Variants in CEP85L observed in about 807,000 individuals in gnomAD.
The protein encoded by CEP85L is centrosomal protein 85L, also known as centrosomal protein of 85 kDa-like.
In CEP85L, 60 loss-of-function variants were observed where a neutral mutation model predicts 100.3. The ratio of observed to expected loss-of-function variants is 0.60; its 90% CI spans 0.49 to 0.74. The LOEUF (loss-of-function observed/expected upper bound fraction) is 0.74, where lower values mean the gene tolerates loss of function less well. Ranked by LOEUF, CEP85L falls within the 30% of genes least tolerant of loss-of-function variation. The pLI is 0.00. For synonymous variants in CEP85L, 319 were observed against 322.7 expected (o/e 0.99, Z 0.12); for missense variants, 973 against 936.2 (o/e 1.04, Z -0.51).
chr6:118,468,766 T>C (rs1230706628), intron 12 of CEP85L, among the ~76,000 whole-genome samples: 1 of 151,986 alleles, frequency 6.6e-6, no homozygotes, highest in Non-Finnish European at 1.5e-5. Context: ...TGAAAGCAAA[T>C]AGAAGGAATC....
chr6:118,582,846 T>C (rs1056093988), intron 2 of CEP85L, among the ~76,000 whole-genome samples: 4 of 152,102 alleles, frequency 2.6e-5, no homozygotes, highest in African/African-American at 9.7e-5. Context: ...AAACAAGCTA[T>C]AGGACCAGAT....
chr6:118,683,899 C>T (rs1458041356), intron 1 of CEP85L, among the ~76,000 whole-genome samples: 2 of 152,168 alleles, frequency 1.3e-5, no homozygotes, highest in Non-Finnish European at 2.9e-5. Context: ...AGCCTAGATG[C>T]AGGACACAGA....
chr6:118,517,420 G>A (rs1057315878), intron 4 of CEP85L, among the ~76,000 whole-genome samples: 1 of 152,122 alleles, frequency 6.6e-6, no homozygotes, highest in Non-Finnish European at 1.5e-5. Flanking sequence ...TTATTGCCTT[G>A]AGCAGTGGTT....
At chr6:118,516,030 G>C (rs1316216506) in intron 4 of CEP85L, among the ~76,000 whole-genome samples, 1 of 152,130 alleles carries the variant, frequency 6.6e-6, no homozygotes, top group Non-Finnish European at 1.5e-5. Context: ...TTAGTTTGCT[G>C]AGAATGATGG....
At chr6:118,532,197 A>G (rs1777335045) in intron 3 of CEP85L, among the ~76,000 whole-genome samples, 1 of 152,158 alleles carries the variant, frequency 6.6e-6, no homozygotes, top group African/African-American at 2.4e-5. Flanking sequence ...AAAGAATAAT[A>G]TGTCCTTTGA....
At chr6:118,508,313 CTTAATAATAGTAACTA>C (rs1343017953) in intron 5 of CEP85L, among the ~76,000 whole-genome samples, 1 of 151,984 alleles carries the variant, frequency 6.6e-6, no homozygotes, top group Non-Finnish European at 1.5e-5. Flanking sequence ...AACAATGAAA[CTTAATAATAGTAACTA>C]TTATTTGGTT....
chr6:118,503,218 G>A (rs531842971), intron 5 of CEP85L, among the ~76,000 whole-genome samples: 1 of 152,204 alleles, frequency 6.6e-6, no homozygotes, highest in East Asian at 1.9e-4. Flanking sequence ...AATAAGATAG[G>A]TATAAATCTA....
intron 2 of CEP85L, among the ~76,000 whole-genome samples, chr6:118,595,294 T>C (rs1207728925): frequency 6.6e-6 from 1 of 152,212 alleles, no homozygotes; most frequent in Non-Finnish European, 1.5e-5. Flanking sequence ...TAGATCTATT[T>C]CCTTCCAACC....
chr6:118,577,379 G>A (rs2115056914), intron 2 of CEP85L, among the ~76,000 whole-genome samples: 1 of 152,226 alleles, frequency 6.6e-6, no homozygotes, highest in East Asian at 1.9e-4. Flanking sequence ...TAAGCAAAAA[G>A]GACAATCGTG....
intron 10 of CEP85L, among the ~76,000 whole-genome samples, chr6:118,477,419 G>C (rs1208076352): frequency 6.6e-6 from 1 of 152,110 alleles, no homozygotes; most frequent in Non-Finnish European, 1.5e-5. Flanking sequence ...ACCTATAACA[G>C]ATAAGTATTT....
intron 6 of CEP85L, among the ~76,000 whole-genome samples, chr6:118,488,387 T>G (rs1490709916): frequency 6.6e-6 from 1 of 151,608 alleles, no homozygotes; most frequent in East Asian, 1.9e-4. Context: ...ATATAATAAC[T>G]GAAATAAAAA....
At chr6:118,499,791 G>T (rs150730181) in intron 5 of CEP85L, among the ~76,000 whole-genome samples, 1 of 152,292 alleles carries the variant, frequency 6.6e-6, no homozygotes, top group Non-Finnish European at 1.5e-5. Flanking sequence ...TTATAGTGGT[G>T]AGAAACTTGA....
chr6:118,589,969 G>C (rs1331267280), intron 2 of CEP85L, among the ~76,000 whole-genome samples: 2 of 152,026 alleles, frequency 1.3e-5, no homozygotes, highest in African/African-American at 4.8e-5. Context: ...GCATAGAACA[G>C]CACTACCCTC....
At chr6:118,646,644 G>A (rs1250236441) in intron 1 of CEP85L, among the ~76,000 whole-genome samples, 2 of 152,148 alleles carry the variant, frequency 1.3e-5, no homozygotes, top group Admixed American at 6.5e-5. Context: ...CTGGGTGACA[G>A]AATGAGACTC....
chr6:118,524,574 T>A (rs915616038), intron 3 of CEP85L, among the ~76,000 whole-genome samples: 2 of 152,238 alleles, frequency 1.3e-5, no homozygotes, highest in African/African-American at 4.8e-5. Context: ...TGCCATGGCT[T>A]AACTAGACAA....
intron 1 of CEP85L, among the ~76,000 whole-genome samples, chr6:118,709,689 A>G (rs1269014506): frequency 6.6e-6 from 1 of 152,102 alleles, no homozygotes; most frequent in East Asian, 1.9e-4. Context: ...CGCAGAGTTC[A>G]CAGTAAATGC....
chr6:118,565,770 G>A lies in CEP85L; in HGVS notation c.779C>T (p.Pro260Leu). 1.2e-6 allele frequency: 2 copies of A among 1,614,146 alleles called. No individual in the cohort carries two copies. The highest frequency in any genetic ancestry group is 1.1e-5 in the South Asian group (1 of 91,080). ...QPVDMTYSAL[P>L]ESKPIMTSSE... ...GCTTGTCATAATGGGCTTGCTTTCAGGTAAGGCACTATATGTCATGTCTAC... is the reference window on the plus strand; with the variant it reads ...GCTTGTCATAATGGGCTTGCTTTCAAGTAAGGCACTATATGTCATGTCTAC... Residue 260 changes from proline (P) to leucine (L), a missense_variant, in exon 3 of 13, where the codon CCT becomes CTT. Physicochemically the swap from Pro to Leu is moderately conservative, Grantham distance 98. Coordinates refer to ENST00000368491, the MANE Select transcript of CEP85L (RefSeq NM_001042475.3).
chr6:118,491,661 A>T, intron 6 of CEP85L, 25 bp downstream of exon 6: 2 of 1,600,660 alleles, frequency 1.2e-6, no homozygotes, highest in Non-Finnish European at 1.7e-6. Context: ...TGTTGACCTA[A>T]TTCAACTTTA....
rs543084284 is a variant in CEP85L, at chr6:118,556,575, T to A, written c.1020+8954A>T. Among the ~76,000 whole-genome samples the A allele has an allele frequency of 4.6e-5, 7 of 152,294 alleles. No individual in the cohort carries two copies. In the South Asian group the frequency reaches 1.5e-3, roughly 32 times the overall value. ...TTGCCATTCTTTCAGCACTTCCTTC[T>A]GCTCCCTTCAGCACTTTCCTCTCTC... On this transcript the variant is annotated intron_variant, in intron 3 of 12. Transcript: ENST00000368491.
Sources: gnomAD v4.1 joint callset for allele counts (sites outside exome capture counted in the v4.1 genomes callset) on GRCh38, gnomAD v4.1.1 for gene constraint, MANE v1.5 for transcripts, NCBI Gene and HGNC (gene_info 2026-07-23, HGNC 2026-07-21) for gene names.